The following UNC13C variants were observed in gnomAD, a reference collection of about 807,000 sequenced individuals.
The protein encoded by UNC13C is unc-13 homolog C, also known as protein unc-13 homolog C.
In UNC13C, 174 loss-of-function variants were observed where a neutral mutation model predicts 245.4. The ratio of observed to expected loss-of-function variants is 0.71; its 90% CI spans 0.63 to 0.80. The LOEUF is 0.80. Ranked by LOEUF, UNC13C falls within the 30% of genes least tolerant of loss-of-function variation. UNC13C has a pLI of 0.00. For missense variants in UNC13C, 2,829 were observed against 2,602.9 expected (o/e 1.09, Z -1.89); for synonymous variants, 992 against 895.1 (o/e 1.11, Z -1.93).
intron 23 of UNC13C, among the ~76,000 whole-genome samples, chr15:54,508,550 T>A (rs1188575902): frequency 6.6e-6 from 1 of 152,182 alleles, no homozygotes; most frequent in Non-Finnish European, 1.5e-5. Context: ...CTCCAAATAT[T>A]ACAGCAAAGG....
intron 30 of UNC13C, among the ~76,000 whole-genome samples, chr15:54,594,432 G>C (rs1322638808): frequency 6.6e-6 from 1 of 152,066 alleles, no homozygotes; most frequent in Non-Finnish European, 1.5e-5. Flanking sequence ...GGTGGGTAGG[G>C]AAGGATCATC....
Position 54,494,626 on chromosome 15 carries a change from T to C in UNC13C, c.4952T>C (p.Leu1651Ser). 3.7e-6 allele frequency: 6 copies of C among 1,608,614 alleles called. No individual in the cohort carries two copies. The highest frequency in any genetic ancestry group is 5.1e-6 in the Non-Finnish European group (6 of 1,177,652). ...GTTATAGAACATGAAAATCAGCGGT[T>C]ATGCAAGAGCACCGATTATATGAAT... The part of the protein sequence containing the change: ...YALEEHENQR[L>S]CKSTDYMNLH... Residue 1651 changes from leucine (L) to serine (S), a missense_variant, in exon 20 of 33, where the codon TTA becomes TCA. Coordinates refer to ENST00000260323, the MANE Select transcript of UNC13C (RefSeq NM_001080534.3).
intron 30 of UNC13C, among the ~76,000 whole-genome samples, chr15:54,585,474 C>T (rs1596618080): frequency 6.6e-6 from 1 of 152,148 alleles, no homozygotes; most frequent in African/African-American, 2.4e-5. Context: ...TCAAATAACC[C>T]TCTTTTCTTT....
intron 2 of UNC13C, among the ~76,000 whole-genome samples, chr15:54,062,988 G>C (rs1897913120): frequency 6.6e-6 from 1 of 152,204 alleles, no homozygotes; most frequent in African/African-American, 2.4e-5. Context: ...AGAGGGGAAA[G>C]AAAGGCTCAT....
chr15:54,098,236 G>A (rs1897011), intron 2 of UNC13C, among the ~76,000 whole-genome samples: 35,398 of 152,026 alleles, frequency 0.23, 4,504 homozygotes, highest in African/African-American at 0.33. Context: ...ATGCTCTGTG[G>A]TGATGTTGGC....
chr15:54,260,842 ACTT>A (rs1195390580), intron 8 of UNC13C, among the ~76,000 whole-genome samples: 3 of 139,192 alleles, frequency 2.2e-5, no homozygotes, highest in South Asian at 4.6e-4. Flanking sequence ...ATCTATAGAT[ACTT>A]CTTCAGAAAA....
At chr15:54,528,853 C>G (rs1385044536) in intron 25 of UNC13C, among the ~76,000 whole-genome samples, 6 of 152,146 alleles carry the variant, frequency 3.9e-5, no homozygotes, top group Admixed American at 3.3e-4. Flanking sequence ...TCTATTGCCC[C>G]AAGTATCTAC....
At chr15:54,363,855 A>G (rs951847807) in intron 17 of UNC13C, among the ~76,000 whole-genome samples, 7 of 152,248 alleles carry the variant, frequency 4.6e-5, no homozygotes, top group Non-Finnish European at 5.9e-5. Context: ...AATGTCTTAA[A>G]TAAGGATTTC....
chr15:54,378,431 A>G (rs1425442231), intron 17 of UNC13C, among the ~76,000 whole-genome samples: 1 of 152,136 alleles, frequency 6.6e-6, no homozygotes, highest in Non-Finnish European at 1.5e-5. Flanking sequence ...GTTTATTAAA[A>G]TGGTAGTGTT....
At chr15:54,135,675 T>G (rs1294911178) in intron 2 of UNC13C, among the ~76,000 whole-genome samples, 1 of 152,230 alleles carries the variant, frequency 6.6e-6, no homozygotes, top group East Asian at 1.9e-4. Context: ...ATTTTTATGC[T>G]GGTACCATAT....
intron 4 of UNC13C, among the ~76,000 whole-genome samples, chr15:54,145,574 C>G (rs1434809940): frequency 1.3e-5 from 2 of 152,154 alleles, no homozygotes; most frequent in Admixed American, 6.5e-5. Flanking sequence ...TGAATAGACT[C>G]TCTACTACAA....
chr15:54,368,498 T>C lies in UNC13C; in HGVS notation c.4714-24550T>C, dbSNP rs372117357. ...TAGAAGTGCCACAACATGTGAGTTATGGCAAAGAAAAATTCAACAAGTGCT... is the reference window on the plus strand; with the variant it reads ...TAGAAGTGCCACAACATGTGAGTTACGGCAAAGAAAAATTCAACAAGTGCT... On this transcript the variant is annotated intron_variant, in intron 17 of 32. Transcript: ENST00000260323. 3.9e-5 allele frequency among the ~76,000 whole-genome samples: 6 copies of C among 152,078 alleles called. No individual in the cohort carries two copies. In the East Asian group the frequency reaches 9.7e-4, roughly 25 times the overall value.
At chr15:54,537,062 G>A (rs547710205) in intron 26 of UNC13C, among the ~76,000 whole-genome samples, 11 of 152,078 alleles carry the variant, frequency 7.2e-5, no homozygotes, top group Admixed American at 1.3e-4. Context: ...TGATGTGATC[G>A]TATACATACA....
intron 1 of UNC13C, among the ~76,000 whole-genome samples, chr15:54,000,660 T>C (rs1894843870): frequency 1.3e-5 from 2 of 152,152 alleles, no homozygotes; most frequent in East Asian, 3.8e-4. Flanking sequence ...CTTTTAAGGA[T>C]GTTCTTTTGG....
Position 54,628,527 on chromosome 15 carries a change from A to C in UNC13C, c.*1414A>C, listed in dbSNP as rs1469255977. ...TAAACTGTTAGGCCACTGCTTTGTT[A>C]ATGACTCCTCTAAATGCATAGTGTG... is the stretch of plus-strand genomic sequence containing the variant. On this transcript the variant is annotated 3_prime_UTR_variant, in exon 33 of 33. Transcript: ENST00000260323. 4 of 152,596 alleles carry C rather than the reference A, an allele frequency of 2.6e-5. No homozygotes were observed. Among genetic ancestry groups the C allele is most frequent in the South Asian group, 2.1e-4 (1 of 4,828 alleles). 9.5% of individuals were successfully genotyped at this position (152,596 alleles called of 1,614,324 possible). A position where few individuals can be genotyped will look rare whatever the true frequency, so the allele number is the denominator to read the frequency against.
chr15:53,951,782 T>G, the UNC13C span, among the ~76,000 whole-genome samples: 2 of 152,142 alleles, frequency 1.3e-5, no homozygotes, highest in Non-Finnish European at 1.5e-5. Context: ...ATCACATCCT[T>G]TATTTGTTTT....
downstream of UNC13C, chr15:54,629,490 T>G (rs182116466): frequency 8.5e-5 from 13 of 152,274 alleles, no homozygotes; most frequent in Admixed American, 7.9e-4. Context: ...GGTGTGTTCA[T>G]GGAAACCACT....
Position 54,333,843 on chromosome 15 carries a change from T to C in UNC13C, c.4571T>C (p.Phe1524Ser). 2 of 1,601,342 alleles carry C rather than the reference T, an allele frequency of 1.2e-6. No individual in the cohort carries two copies. The highest frequency in any genetic ancestry group is 1.7e-6 in the Non-Finnish European group (2 of 1,172,780). The change falls in exon 16 of 33, where the codon TTT becomes TCT. Residue 1524 changes from phenylalanine (F) to serine (S), a missense_variant. Transcript: ENST00000260323. ...GTTGACCTGTTAACAAGTATCACCT[T>C]TTTTAGGATGAAGGTATCTCATTTT... ...STVDLLTSIT[F>S]FRMKVLELQS...
At chr15:54,322,237 T>C (rs928378849) in intron 14 of UNC13C, 142 bp downstream of exon 14, 8 of 701,994 alleles carry the variant, frequency 1.1e-5, no homozygotes, top group Non-Finnish European at 1.5e-5. Context: ...CAGCTCAAAG[T>C]TCATTTGAAA....
Sources: gnomAD v4.1 joint callset for allele counts (sites outside exome capture counted in the v4.1 genomes callset) on GRCh38, gnomAD v4.1.1 for gene constraint, MANE v1.5 for transcripts, NCBI Gene and HGNC (gene_info 2026-07-23, HGNC 2026-07-21) for gene names.